Variants in WHR1 observed in about 807,000 individuals in gnomAD.
WHR1 encodes the protein winged helix repair factor 1.
chr6:31,977,782 C>T, the WHR1 span, among the ~76,000 whole-genome samples: 3 of 151,682 alleles, frequency 2.0e-5, no homozygotes, highest in East Asian at 1.9e-4. Flanking sequence ...CCACCGTGCC[C>T]GGCCCCAGTT....
the WHR1 span, chr6:31,971,722 A>C: frequency 1.9e-6 from 3 of 1,539,196 alleles, no homozygotes; most frequent in Non-Finnish European, 2.6e-6. The surrounding 1 kb of genome is among the most constrained non-coding windows in gnomAD (Gnocchi z 4.5). Context: ...TCTACAGAGG[A>C]GGCCTGGAGA....
the WHR1 span, among the ~76,000 whole-genome samples, chr6:31,977,364 A>G: frequency 7.7e-6 from 1 of 129,990 alleles, no homozygotes. Flanking sequence ...TTTTTTTGAG[A>G]CGGAGTCTCG....
At chr6:31,980,516 G>C in the WHR1 span, 5 of 1,613,074 alleles carry the variant, frequency 3.1e-6, no homozygotes, top group Admixed American at 5.0e-5. Context: ...GCTGTGCCTG[G>C]AGCTGGGAGA....
chr6:31,971,219 T>C, the WHR1 span: 1 of 1,569,924 alleles, frequency 6.4e-7, no homozygotes, highest in Non-Finnish European at 8.7e-7. The surrounding 1 kb of genome is among the most constrained non-coding windows in gnomAD (Gnocchi z 4.5). Flanking sequence ...AAGAATAGTC[T>C]TGTTTCTTCT....
the WHR1 span, chr6:31,972,644 G>A: frequency 4.3e-6 from 7 of 1,613,248 alleles, no homozygotes; most frequent in Non-Finnish European, 5.9e-6. The surrounding 1 kb of genome is among the most constrained non-coding windows in gnomAD (Gnocchi z 6.3). Flanking sequence ...GGCTGTCTCA[G>A]AACTCATGCA....
At chr6:31,972,866 G>C in the WHR1 span, 1 of 1,550,374 alleles carries the variant, frequency 6.5e-7, no homozygotes, top group Non-Finnish European at 8.7e-7. The surrounding 1 kb of genome is among the most constrained non-coding windows in gnomAD (Gnocchi z 6.3). Context: ...TTTCAGGCGA[G>C]GGCACTGTGC....
At chr6:31,971,830 C>T in the WHR1 span, 3 of 1,329,714 alleles carry the variant, frequency 2.3e-6, no homozygotes, top group Admixed American at 8.2e-5. The surrounding 1 kb of genome is among the most constrained non-coding windows in gnomAD (Gnocchi z 4.5). Context: ...AAGCTCTCAT[C>T]CTGCCTCTTT....
chr6:31,980,406 C>A, the WHR1 span: 1 of 1,526,140 alleles, frequency 6.6e-7, no homozygotes, highest in Non-Finnish European at 8.9e-7. Flanking sequence ...AGAGATGGTT[C>A]TCAGAGCCCA....
At chr6:31,971,439 G>A in the WHR1 span, 10 of 1,613,542 alleles carry the variant, frequency 6.2e-6, no homozygotes, top group Non-Finnish European at 8.5e-6. This position sits in a 1 kb window ranked among gnomAD's most constrained non-coding sequence, Gnocchi z 4.5. Context: ...CAAAGTTGGG[G>A]CCTGGACCGT....
chr6:31,978,507 T>C, the WHR1 span, among the ~76,000 whole-genome samples: 1 of 152,224 alleles, frequency 6.6e-6, no homozygotes, highest in Non-Finnish European at 1.5e-5. Context: ...TAGTTCTTGC[T>C]GTATTCTCGT....
the WHR1 span, chr6:31,980,919 C>T: frequency 7.4e-5 from 63 of 847,000 alleles, no homozygotes; most frequent in Non-Finnish European, 9.6e-5. Context: ...CTCTGGAACC[C>T]GGGAGCACCC....
chr6:31,977,989 T>C, the WHR1 span, among the ~76,000 whole-genome samples: 2 of 151,680 alleles, frequency 1.3e-5, no homozygotes, highest in Non-Finnish European at 2.9e-5. Context: ...GGTTTTACCA[T>C]ATTGGTCAGG....
At chr6:31,971,883 G>C in the WHR1 span, 2 of 1,471,074 alleles carry the variant, frequency 1.4e-6, no homozygotes, top group Non-Finnish European at 1.8e-6. This position sits in a 1 kb window ranked among gnomAD's most constrained non-coding sequence, Gnocchi z 4.5. Context: ...TCCAAATGCA[G>C]TGAGGTTAGG....
chr6:31,973,455 A>T, the WHR1 span: 1 of 170,010 alleles, frequency 5.9e-6, no homozygotes, highest in African/African-American at 2.4e-5. Flanking sequence ...GGAGGTGTGA[A>T]TAGCAAGTGG....
chr6:31,980,512 C>A, the WHR1 span: 1 of 1,613,074 alleles, frequency 6.2e-7, no homozygotes, highest in Non-Finnish European at 8.5e-7. Flanking sequence ...GCTAGCTGTG[C>A]CTGGAGCTGG....
chr6:31,975,163 G>A, the WHR1 span, among the ~76,000 whole-genome samples: 7 of 151,510 alleles, frequency 4.6e-5, no homozygotes, highest in Admixed American at 4.6e-4. Context: ...AATGTCCCTG[G>A]GAGGTGACTG....
the WHR1 span, chr6:31,972,390 C>G: frequency 6.2e-7 from 1 of 1,613,088 alleles, no homozygotes. This position sits in a 1 kb window ranked among gnomAD's most constrained non-coding sequence, Gnocchi z 6.3. Flanking sequence ...ACCCCTTCCC[C>G]GGTACCATAA....
At chr6:31,979,018 A>T in the WHR1 span, 11 of 1,598,186 alleles carry the variant, frequency 6.9e-6, no homozygotes, top group South Asian at 1.1e-5. Context: ...TGTGTGCGTC[A>T]GGGGTGCTGG....
the WHR1 span, chr6:31,971,826 T>C: frequency 3.0e-6 from 4 of 1,322,698 alleles, no homozygotes; most frequent in South Asian, 4.5e-5. The surrounding 1 kb of genome is among the most constrained non-coding windows in gnomAD (Gnocchi z 4.5). Flanking sequence ...GGCCAAGCTC[T>C]CATCCTGCCT....
Sources: gnomAD v4.1 joint callset for allele counts (sites outside exome capture counted in the v4.1 genomes callset) on GRCh38, gnomAD v4.1.1 for gene constraint, Gnocchi (gnomAD v3.1) non-coding constraint, MANE v1.5 for transcripts, NCBI Gene and HGNC (gene_info 2026-07-23, HGNC 2026-07-21) for gene names.